HMGCLL1: variants seen among roughly 807,000 people sequenced by gnomAD.
HMGCLL1 encodes 3-hydroxy-3-methylglutaryl-CoA lyase like 1.
A neutral mutation model predicts 39.1 loss-of-function variants in HMGCLL1; 36 were observed. The ratio of observed to expected loss-of-function variants is 0.92; its 90% confidence interval spans 0.71 to 1.22. The LOEUF (loss-of-function observed/expected upper bound fraction) is 1.22, where lower values mean the gene tolerates loss of function less well. HMGCLL1 is among the 50% of genes most tolerant of loss of function. The pLI is 0.00. For missense variants in HMGCLL1, 451 were observed against 416.5 expected, an observed-to-expected ratio of 1.08 and a Z score of -0.72; for synonymous variants, 149 against 144.0, an observed-to-expected ratio of 1.03 and a Z score of -0.25.
chr6:55,436,282 T>C lies in HMGCLL1; in HGVS notation c.922-519A>G, dbSNP rs538589615. On this transcript the variant is annotated intron_variant, in intron 8 of 8. Coordinates refer to ENST00000274901, the MANE Select transcript of HMGCLL1 (RefSeq NM_001042406.2). Reference sequence around the variant, plus strand: ...GCCAGAAATACTATTACTAGTATGATATTGAAGGAGGTAGTTGCAAGTGAA... The same window carrying C: ...GCCAGAAATACTATTACTAGTATGACATTGAAGGAGGTAGTTGCAAGTGAA... 6.6e-5 allele frequency among the ~76,000 whole-genome samples: 10 copies of C among 152,148 alleles called. No homozygotes were observed. In the East Asian group the frequency reaches 1.9e-3, roughly 29 times the overall value.
At chr6:55,604,549 G>A in the HMGCLL1 span, among the ~76,000 whole-genome samples, 2 of 152,030 alleles carry the variant, frequency 1.3e-5, no homozygotes, top group Non-Finnish European at 2.9e-5. Context: ...TTGAAAGTTA[G>A]TATATTATAC....
the HMGCLL1 span, among the ~76,000 whole-genome samples, chr6:55,611,735 G>T: frequency 1.3e-5 from 2 of 152,022 alleles, no homozygotes; most frequent in African/African-American, 2.4e-5. Flanking sequence ...TGCAAAAAAG[G>T]CCTTTGATAA....
chr6:55,459,633 A>G (rs563946606), intron 7 of HMGCLL1, among the ~76,000 whole-genome samples: 1 of 152,200 alleles, frequency 6.6e-6, no homozygotes, highest in African/African-American at 2.4e-5. Context: ...GATTTATTAA[A>G]ATGTATTTGT....
At chr6:55,463,864 G>A (rs1340001137) in intron 7 of HMGCLL1, among the ~76,000 whole-genome samples, 1 of 152,070 alleles carries the variant, frequency 6.6e-6, no homozygotes, top group Non-Finnish European at 1.5e-5. Context: ...AATGTTTTAA[G>A]TCTCACCTCC....
chr6:55,513,343 T>C (rs1487454256), intron 5 of HMGCLL1: 1 of 152,156 alleles, frequency 6.6e-6, no homozygotes, highest in Non-Finnish European at 1.5e-5. Flanking sequence ...GCTGATAAGT[T>C]TCCACAAGAA....
At chr6:55,442,150 G>C (rs934114036) in intron 7 of HMGCLL1, among the ~76,000 whole-genome samples, 8 of 152,174 alleles carry the variant, frequency 5.3e-5, no homozygotes, top group African/African-American at 1.9e-4. Flanking sequence ...GGCTGAGGTG[G>C]TGTCTGCCAG....
At chr6:55,561,773 T>C (rs1045789133) in intron 1 of HMGCLL1, among the ~76,000 whole-genome samples, 1 of 152,184 alleles carries the variant, frequency 6.6e-6, no homozygotes, top group Non-Finnish European at 1.5e-5. Context: ...TCTAATTCCA[T>C]AGTTTGAAGA....
intron 1 of HMGCLL1, among the ~76,000 whole-genome samples, chr6:55,564,357 C>A (rs767232924): frequency 1.3e-5 from 2 of 152,040 alleles, no homozygotes; most frequent in Non-Finnish European, 2.9e-5. Flanking sequence ...CTCAAAATAG[C>A]ACCTCAGCAT....
At chr6:55,438,928 G>A (rs1446643770) in intron 8 of HMGCLL1, among the ~76,000 whole-genome samples, 1 of 151,994 alleles carries the variant, frequency 6.6e-6, no homozygotes, top group Admixed American at 6.6e-5. Flanking sequence ...GGTACAACTT[G>A]CAAAGAGACT....
At chr6:55,676,089 G>T in the HMGCLL1 span, among the ~76,000 whole-genome samples, 141 of 152,084 alleles carry the variant, frequency 9.3e-4, no homozygotes, top group Admixed American at 9.1e-3. Context: ...TGCTTTTTGA[G>T]AAAGCACACT....
chr6:55,632,780 G>A, the HMGCLL1 span, among the ~76,000 whole-genome samples: 1 of 152,026 alleles, frequency 6.6e-6, no homozygotes. Flanking sequence ...TGGTAAGTAA[G>A]CAATACATTT....
chr6:55,606,605 GGAT>G, the HMGCLL1 span, among the ~76,000 whole-genome samples: 2 of 151,790 alleles, frequency 1.3e-5, no homozygotes, highest in Non-Finnish European at 2.9e-5. Flanking sequence ...TTTTTATATG[GGAT>G]GATCTACATT....
intron 8 of HMGCLL1, among the ~76,000 whole-genome samples, chr6:55,437,031 G>A (rs981896863): frequency 2.6e-5 from 4 of 151,922 alleles, no homozygotes; most frequent in African/African-American, 9.7e-5. Flanking sequence ...TCCAGCAAGG[G>A]TTGACAGAAA....
chr6:55,661,843 T>C, the HMGCLL1 span, among the ~76,000 whole-genome samples: 2 of 152,054 alleles, frequency 1.3e-5, no homozygotes, highest in Non-Finnish European at 1.5e-5. Flanking sequence ...TTTCTATTCA[T>C]GAGCATGAAT....
At chr6:55,454,884 AT>A (rs1764255799) in intron 7 of HMGCLL1, among the ~76,000 whole-genome samples, 1 of 152,194 alleles carries the variant, frequency 6.6e-6, no homozygotes, top group Non-Finnish European at 1.5e-5. Context: ...AAACTTCAGA[AT>A]TCATTAAACT....
chr6:55,503,121 A>C (rs1271143941), intron 5 of HMGCLL1, among the ~76,000 whole-genome samples: 2 of 151,756 alleles, frequency 1.3e-5, no homozygotes, highest in African/African-American at 4.8e-5. Context: ...TATTTAAACA[A>C]TCCTATCGAA....
the HMGCLL1 span, among the ~76,000 whole-genome samples, chr6:55,604,481 A>G: frequency 2.0e-5 from 3 of 152,158 alleles, no homozygotes; most frequent in Admixed American, 6.6e-5. Context: ...AACTTTAAAA[A>G]TACATTTTAA....
chr6:55,648,923 T>G, the HMGCLL1 span, among the ~76,000 whole-genome samples: 2 of 148,286 alleles, frequency 1.3e-5, no homozygotes, highest in African/African-American at 5.0e-5. Context: ...AAAAAGAGAA[T>G]TTTAGACCAA....
rs752734099 is a variant in HMGCLL1, at chr6:55,542,136, G to A, written c.113C>T (p.Thr38Ile). The change falls in exon 2 of 9, where the codon ACA (threonine) becomes ATA (isoleucine). Residue 38 changes from threonine (T) to isoleucine (I), a missense_variant. Coordinates refer to ENST00000274901, the MANE Select transcript of HMGCLL1 (RefSeq NM_001042406.2). ...VAGALDPAQE[T>I]SQLSGLPEFV... is the part of the protein sequence containing the mutation. ...CTCAGGGAGTCCAGATAACTGGGAT[G>A]TTTCCTGAAATGCAAAATGTAAGAA... The A allele has an allele frequency of 8.1e-6, 13 of 1,602,086 alleles. No individual in the cohort carries two copies. The highest frequency in any genetic ancestry group is 9.4e-6 in the Non-Finnish European group (11 of 1,171,534).
Sources: allele counts gnomAD v4.1 joint callset (sites outside exome capture counted in the v4.1 genomes callset), GRCh38; gene constraint gnomAD v4.1.1; transcripts MANE v1.5; gene names NCBI Gene and HGNC (gene_info 2026-07-23, HGNC 2026-07-21).